Variants in MAPRE2 observed in about 807,000 individuals in gnomAD.
MAPRE2 encodes microtubule associated protein RP/EB family member 2.
A neutral mutation model predicts 43.2 loss-of-function variants in MAPRE2; 13 were observed. That is an observed-to-expected ratio of 0.30 (90% CI 0.20 to 0.48). MAPRE2 has a LOEUF of 0.48. Ranked by LOEUF, MAPRE2 falls within the 20% of genes least tolerant of loss-of-function variation. MAPRE2 has a pLI of 0.99. For missense variants in MAPRE2, 161 were observed against 400.2 expected (o/e 0.40, Z 5.10); for synonymous variants, 135 against 148.8 (o/e 0.91, Z 0.68).
intron 2 of MAPRE2, among the ~76,000 whole-genome samples, chr18:35,012,765 G>A (rs1262310744): frequency 6.6e-5 from 10 of 152,182 alleles, no homozygotes; most frequent in Non-Finnish European, 1.3e-4. Flanking sequence ...GAGAGTTAGT[G>A]TTTAATAGTT....
intron 2 of MAPRE2, among the ~76,000 whole-genome samples, chr18:35,032,852 GT>G (rs1230829584): frequency 1.3e-5 from 2 of 152,110 alleles, no homozygotes; most frequent in Non-Finnish European, 2.9e-5. Flanking sequence ...GGGCCTGAAA[GT>G]AGGATCAATT....
chr18:34,977,914 C>A (rs1359341123), intron 1 of MAPRE2, among the ~76,000 whole-genome samples: 5 of 152,128 alleles, frequency 3.3e-5, no homozygotes, highest in Admixed American at 2.6e-4. Flanking sequence ...GAACCTGGGG[C>A]GCTCGATAAA....
At chr18:35,017,635 C>G (rs570995068) in intron 2 of MAPRE2, among the ~76,000 whole-genome samples, 65 of 151,562 alleles carry the variant, frequency 4.3e-4, no homozygotes, top group Non-Finnish European at 8.6e-4. Flanking sequence ...TTGAACATTA[C>G]TGGTGAATGG....
intron 1 of MAPRE2, among the ~76,000 whole-genome samples, chr18:35,053,597 A>G (rs1424571080): frequency 2.6e-5 from 4 of 151,466 alleles, no homozygotes; most frequent in Non-Finnish European, 4.4e-5. Context: ...TATAATTAAG[A>G]CATTCTTTTC....
In MAPRE2 at chr18:35,032,088, T is replaced by C. The variant is rs147973518; in HGVS notation, c.-8+26535T>C. ...ACCATATACTTTTTCACTGCTATCA[T>C]TTTGGGTGTGGAGCATATATTTCAG... On this transcript the variant is annotated intron_variant, in intron 2 of 7. Transcript: ENST00000413393. Among the ~76,000 whole-genome samples, 410 of 152,210 alleles carry C rather than the reference T, an allele frequency of 2.7e-3. 3 individuals are homozygous for C. The highest frequency in any genetic ancestry group is 9.6e-3 in the African/African-American group (397 of 41,542).
chr18:35,048,664 A>G (rs1046083729), intron 1 of MAPRE2, among the ~76,000 whole-genome samples: 1 of 149,084 alleles, frequency 6.7e-6, no homozygotes, highest in African/African-American at 2.4e-5. Context: ...TTTATAGTAT[A>G]TGTATTAATA....
chr18:35,110,205 G>T (rs563521247), intron 4 of MAPRE2, among the ~76,000 whole-genome samples: 1 of 152,024 alleles, frequency 6.6e-6, no homozygotes, highest in African/African-American at 2.4e-5. Flanking sequence ...TCTAATACAC[G>T]TTGGCTTTTG....
At chr18:35,034,692 G>T (rs2097049562) in intron 2 of MAPRE2, among the ~76,000 whole-genome samples, 1 of 152,202 alleles carries the variant, frequency 6.6e-6, no homozygotes, top group Admixed American at 6.5e-5. Context: ...CCATCAAAAA[G>T]TGGGCAAAGG....
intron 2 of MAPRE2, among the ~76,000 whole-genome samples, chr18:35,076,732 T>G (rs572861509): frequency 1.2e-4 from 19 of 152,340 alleles, no homozygotes; most frequent in African/African-American, 4.6e-4. Flanking sequence ...ATGTGAGAAT[T>G]GTTATTACTC....
At chr18:35,096,168 A>G (rs749129334) in intron 2 of MAPRE2, among the ~76,000 whole-genome samples, 2 of 152,048 alleles carry the variant, frequency 1.3e-5, no homozygotes, top group Non-Finnish European at 2.9e-5. Context: ...AAAGTGAGTC[A>G]CCCAAGTAGA....
At chr18:35,038,502 C>A (rs886808732), upstream of MAPRE2, among the ~76,000 whole-genome samples, 5 of 152,304 alleles carry the variant, frequency 3.3e-5, no homozygotes, top group African/African-American at 1.2e-4. Flanking sequence ...TTAGGCTTTG[C>A]CTTCAGCCTA....
intron 6 of MAPRE2, among the ~76,000 whole-genome samples, chr18:35,136,421 C>T (rs1910395609): frequency 6.6e-6 from 1 of 152,176 alleles, no homozygotes; most frequent in African/African-American, 2.4e-5. Context: ...GTAAGGGAGA[C>T]AGACAGGGAC....
At chr18:35,074,472 G>A (rs574232076) in intron 2 of MAPRE2, among the ~76,000 whole-genome samples, 150 of 152,204 alleles carry the variant, frequency 9.9e-4, no homozygotes, top group African/African-American at 3.5e-3. Flanking sequence ...AAGGAAATGG[G>A]GAGGGAGGAG....
At chr18:35,080,287 C>T (rs1017119639) in intron 2 of MAPRE2, among the ~76,000 whole-genome samples, 1 of 152,178 alleles carries the variant, frequency 6.6e-6, no homozygotes, top group African/African-American at 2.4e-5. Flanking sequence ...TGCAATGTGT[C>T]AGGTGGTGGA....
chr18:35,139,203 C>T (rs1910517695), intron 6 of MAPRE2, among the ~76,000 whole-genome samples: 2 of 152,162 alleles, frequency 1.3e-5, no homozygotes, highest in African/African-American at 2.4e-5. Context: ...AGGGGCCCGA[C>T]AGACAGGGAA....
chr18:34,984,461 A>G (rs1390006106), intron 1 of MAPRE2: 1 of 105,676 alleles, frequency 9.5e-6, no homozygotes, highest in Non-Finnish European at 2.3e-5. Flanking sequence ...CAAAAAACAC[A>G]TTATAATTAA....
chr18:35,113,509 T>C (rs1428640326), intron 4 of MAPRE2, among the ~76,000 whole-genome samples: 1 of 152,238 alleles, frequency 6.6e-6, no homozygotes, highest in African/African-American at 2.4e-5. Context: ...GATCAAAAAC[T>C]ACAGAATGTT....
chr18:35,092,530 A>G (rs1305589459), intron 2 of MAPRE2, among the ~76,000 whole-genome samples: 1 of 152,218 alleles, frequency 6.6e-6, no homozygotes, highest in African/African-American at 2.4e-5. Flanking sequence ...CATAGGGGAA[A>G]TACTTCATGA....
chr18:35,008,738 T>A (rs1054324104), intron 2 of MAPRE2, among the ~76,000 whole-genome samples: 1 of 152,126 alleles, frequency 6.6e-6, no homozygotes, highest in African/African-American at 2.4e-5. Context: ...AAGGTCACAA[T>A]CCCAGAAGTG....
Sources: gnomAD v4.1 joint callset for allele counts (sites outside exome capture counted in the v4.1 genomes callset) on GRCh38, gnomAD v4.1.1 for gene constraint, MANE v1.5 for transcripts, NCBI Gene and HGNC (gene_info 2026-07-23, HGNC 2026-07-21) for gene names.